Variants in IGFL2 observed in about 807,000 individuals in gnomAD.
The protein encoded by IGFL2 is insulin growth factor-like family member 2.
IGFL2 carries 7 observed loss-of-function variants against 13.9 expected under a neutral mutation model. That is an observed-to-expected ratio of 0.51 (90% CI 0.29 to 0.95). The LOEUF (loss-of-function observed/expected upper bound fraction) is 0.95. Among genes scored for constraint, IGFL2 ranks in the 40% least tolerant of loss-of-function variants. The probability of loss-of-function intolerance (pLI) is 0.08; values close to 1 mark genes in which losing one functional copy is unlikely to be tolerated. For synonymous variants in IGFL2, 55 were observed against 55.8 expected (o/e 0.99, Z 0.07); for missense variants, 138 against 147.8 (o/e 0.93, Z 0.34).
In IGFL2 at chr19:46,151,962, T is replaced by C. The variant is rs554158227; in HGVS notation, c.19+3665T>C. On this transcript the variant is annotated intron_variant, in intron 1 of 3. Coordinates refer to ENST00000377693, the MANE Select transcript of IGFL2 (RefSeq NM_001135113.2). Reference sequence around the variant, plus strand: ...ATTGATTCTATAGATCAATTTGGGATTTTTGGCACCTGAACAATATTAAGT... The same window carrying C: ...ATTGATTCTATAGATCAATTTGGGACTTTTGGCACCTGAACAATATTAAGT... 8.3e-4 allele frequency among the ~76,000 whole-genome samples: 127 copies of C among 152,300 alleles called. 2 individuals carry two copies. In the Middle Eastern group the frequency reaches 0.017, roughly 20 times the overall value.
the IGFL2 span, chr19:46,210,218 G>A: frequency 2.0e-5 from 3 of 152,172 alleles, no homozygotes; most frequent in Admixed American, 1.3e-4. Flanking sequence ...GGTGCTATCG[G>A]GAGGTGACAG....
chr19:46,104,055 A>G, the IGFL2 span, among the ~76,000 whole-genome samples: 2 of 152,196 alleles, frequency 1.3e-5, no homozygotes, highest in South Asian at 4.1e-4. Flanking sequence ...CTTATCATCC[A>G]GCTAGGGTGT....
chr19:46,180,361 TAG>T, the IGFL2 span, among the ~76,000 whole-genome samples: 1 of 152,108 alleles, frequency 6.6e-6, no homozygotes, highest in Admixed American at 6.5e-5. Flanking sequence ...GTGTTTTTAG[TAG>T]AGACAGGGTT....
chr19:46,134,827 G>T, the IGFL2 span, among the ~76,000 whole-genome samples: 1 of 152,150 alleles, frequency 6.6e-6, no homozygotes, highest in Non-Finnish European at 1.5e-5. Context: ...AGACACACTG[G>T]TACCAGTCCA....
At chr19:46,154,746 G>T (rs1973719775) in intron 1 of IGFL2, among the ~76,000 whole-genome samples, 1 of 152,172 alleles carries the variant, frequency 6.6e-6, no homozygotes, top group Admixed American at 6.5e-5. Context: ...ACTGCGCCCA[G>T]CTGGTCTTTT....
At chr19:46,079,640 C>T in the IGFL2 span, among the ~76,000 whole-genome samples, 24 of 152,240 alleles carry the variant, frequency 1.6e-4, no homozygotes, top group Admixed American at 3.3e-4. Context: ...TACTCATCTG[C>T]TTTAGCTACA....
At chr19:46,091,794 T>C in the IGFL2 span, among the ~76,000 whole-genome samples, 1 of 152,246 alleles carries the variant, frequency 6.6e-6, no homozygotes, top group Non-Finnish European at 1.5e-5. Context: ...AGTCATTAGC[T>C]ATGGAATTTG....
chr19:46,108,826 C>G, the IGFL2 span, among the ~76,000 whole-genome samples: 1 of 152,220 alleles, frequency 6.6e-6, no homozygotes, highest in Non-Finnish European at 1.5e-5. Flanking sequence ...ATGGATAAAA[C>G]ACGTCTCTTC....
the IGFL2 span, chr19:46,120,345 G>A: frequency 1.8e-5 from 29 of 1,611,026 alleles, no homozygotes; most frequent in East Asian, 2.3e-5. Flanking sequence ...GGTACAGGAC[G>A]TGCCTCCTGT....
At chr19:46,149,353 C>T (rs1048373374) in intron 1 of IGFL2, among the ~76,000 whole-genome samples, 1 of 128,564 alleles carries the variant, frequency 7.8e-6, no homozygotes, top group African/African-American at 2.9e-5. Flanking sequence ...TGTCTCACAT[C>T]CCCCTCTCTT....
downstream of IGFL2, chr19:46,164,755 C>T (rs578041716): frequency 4.7e-4 from 72 of 152,296 alleles, no homozygotes; most frequent in East Asian, 3.7e-3. Context: ...GGAGAAGGCA[C>T]GTGTTTTCCA....
the IGFL2 span, among the ~76,000 whole-genome samples, chr19:46,133,895 A>C: frequency 6.6e-6 from 1 of 152,210 alleles, no homozygotes; most frequent in Non-Finnish European, 1.5e-5. Context: ...GTTTTCCCAG[A>C]CAAAACTTCA....
At chr19:46,212,771 CTT>C in the IGFL2 span, 1 of 152,040 alleles carries the variant, frequency 6.6e-6, no homozygotes, top group Non-Finnish European at 1.5e-5. Context: ...AAGACACTGA[CTT>C]TGCATTTTCT....
At chr19:46,149,999 A>G (rs1973387199) in intron 1 of IGFL2, among the ~76,000 whole-genome samples, 1 of 152,214 alleles carries the variant, frequency 6.6e-6, no homozygotes, top group African/African-American at 2.4e-5. Context: ...CCAGCAGTGT[A>G]TGAGGGCTCA....
chr19:46,118,012 A>G, the IGFL2 span, among the ~76,000 whole-genome samples: 3 of 152,090 alleles, frequency 2.0e-5, no homozygotes, highest in Non-Finnish European at 4.4e-5. Flanking sequence ...TCTACTGTTG[A>G]TTTTATCCAC....
chr19:46,087,729 A>T, the IGFL2 span, among the ~76,000 whole-genome samples: 3 of 152,228 alleles, frequency 2.0e-5, no homozygotes, highest in Non-Finnish European at 4.4e-5. Context: ...GGGGCATGAG[A>T]AAATGCATGA....
the IGFL2 span, among the ~76,000 whole-genome samples, chr19:46,089,814 T>C: frequency 3.3e-5 from 5 of 152,162 alleles, no homozygotes; most frequent in Non-Finnish European, 5.9e-5. Flanking sequence ...AGTTTACTTA[T>C]AATATGGCTT....
the IGFL2 span, among the ~76,000 whole-genome samples, chr19:46,190,781 G>A: frequency 1.3e-5 from 2 of 152,334 alleles, no homozygotes; most frequent in South Asian, 2.1e-4. Flanking sequence ...GACCAAAAAT[G>A]CATGTGGCTT....
At chr19:46,135,467 C>G in the IGFL2 span, among the ~76,000 whole-genome samples, 1 of 151,994 alleles carries the variant, frequency 6.6e-6, no homozygotes, top group Non-Finnish European at 1.5e-5. Flanking sequence ...CTGAACCATC[C>G]GAACCATCCC....
Sources: allele counts gnomAD v4.1 joint callset (sites outside exome capture counted in the v4.1 genomes callset), GRCh38; gene constraint gnomAD v4.1.1; transcripts MANE v1.5; gene names NCBI Gene and HGNC (gene_info 2026-07-23, HGNC 2026-07-21).